Variants in CHCHD6 observed in about 807,000 individuals in gnomAD.
CHCHD6 encodes coiled-coil-helix-coiled-coil-helix domain containing 6.
CHCHD6 carries 28 observed loss-of-function variants against 32.3 expected under a neutral mutation model. The observed-to-expected ratio is 0.87, with a 90% CI of 0.64 to 1.19. The LOEUF (loss-of-function observed/expected upper bound fraction) is 1.19. Among genes scored for constraint, CHCHD6 ranks in the 50% most tolerant of loss-of-function variants. The pLI is 0.00. For synonymous variants in CHCHD6, 122 were observed against 117.5 expected, an observed-to-expected ratio of 1.04 and a Z score of -0.25; for missense variants, 333 against 307.0, an observed-to-expected ratio of 1.08 and a Z score of -0.63.
chr3:126,822,949 A>T (rs1187312743), intron 4 of CHCHD6, among the ~76,000 whole-genome samples: 1 of 151,924 alleles, frequency 6.6e-6, no homozygotes, highest in Non-Finnish European at 1.5e-5. Context: ...TCTGTCACCC[A>T]GGCTGGAGTG....
intron 4 of CHCHD6, among the ~76,000 whole-genome samples, chr3:126,740,057 GCTGTAGTGTTGCCTCAGCTTCAAA>G (rs1446467911): frequency 6.6e-6 from 1 of 152,194 alleles, no homozygotes; most frequent in Non-Finnish European, 1.5e-5. Flanking sequence ...TAGAATGTGG[GCTGTAGTGTTGCCTCAGCTTCAAA>G]CTATTAATAT....
intron 5 of CHCHD6, among the ~76,000 whole-genome samples, chr3:126,901,007 AC>A (rs564394949): frequency 4.0e-5 from 6 of 149,256 alleles, no homozygotes; most frequent in African/African-American, 1.2e-4. Flanking sequence ...TGATGCAAAC[AC>A]CCCCCCCAGG....
At chr3:126,956,600 C>CGAGAGAGA (rs58750065) in intron 6 of CHCHD6, among the ~76,000 whole-genome samples, 21 of 149,654 alleles carry the variant, frequency 1.4e-4, no homozygotes, top group African/African-American at 4.2e-4. Flanking sequence ...AGTGTGCGCA[C>CGAGAGAGA]GAGAGAGAGA....
intron 4 of CHCHD6, among the ~76,000 whole-genome samples, chr3:126,767,645 G>T (rs985923366): frequency 5.3e-5 from 8 of 152,058 alleles, no homozygotes; most frequent in African/African-American, 1.7e-4. Flanking sequence ...TTATTATATA[G>T]GTAAACTGCA....
At chr3:126,812,768 T>A (rs1018542589) in intron 4 of CHCHD6, among the ~76,000 whole-genome samples, 2 of 152,106 alleles carry the variant, frequency 1.3e-5, no homozygotes, top group Non-Finnish European at 2.9e-5. Context: ...ATGACAATGC[T>A]TTTTGTGGAA....
intron 1 of CHCHD6, 34 bp from the exon 2 acceptor site, chr3:126,727,044 A>G: frequency 6.7e-7 from 1 of 1,495,248 alleles, no homozygotes; most frequent in Non-Finnish European, 9.3e-7. Context: ...TCTGTGACAT[A>G]ACTTTTTCTT....
chr3:126,865,632 GC>G (rs1404733595), intron 5 of CHCHD6: 4 of 984,934 alleles, frequency 4.1e-6, no homozygotes, highest in East Asian at 1.1e-4. Flanking sequence ...GATTGCTGCT[GC>G]CCCCTCTCCC....
At position 126,932,559 on chromosome 3, in the gene CHCHD6, A is replaced by G. The variant is rs369642021; in HGVS notation, c.566+17809A>G. On this transcript the variant is annotated intron_variant, in intron 6 of 7. Transcript: ENST00000290913. ...GCTTCTTCCCAGAGTTAGGGCCCAG[A>G]GAACGTCATCCTGAGCCTTGAGTCC... Among the ~76,000 whole-genome samples the G allele has an allele frequency of 2.7e-4, 41 of 152,324 alleles. No homozygotes were observed. In the East Asian group the frequency reaches 4.1e-3, roughly 15 times the overall value.
chr3:126,756,272 A>G (rs1163093939), intron 4 of CHCHD6, among the ~76,000 whole-genome samples: 1 of 152,196 alleles, frequency 6.6e-6, no homozygotes. Flanking sequence ...ATTCTGTTAA[A>G]TACACCCACT....
At chr3:126,719,642 T>C (rs1042181742) in intron 1 of CHCHD6, among the ~76,000 whole-genome samples, 2 of 152,290 alleles carry the variant, frequency 1.3e-5, no homozygotes, top group African/African-American at 4.8e-5. Context: ...AGGGAGGACA[T>C]GGGAAACAGT....
At chr3:126,798,546 T>C (rs9842239) in intron 4 of CHCHD6, among the ~76,000 whole-genome samples, 30 of 152,318 alleles carry the variant, frequency 2.0e-4, no homozygotes, top group African/African-American at 6.7e-4. Flanking sequence ...CTAGTCATGA[T>C]GCGAGCATCC....
At chr3:126,744,722 C>T (rs1461840872) in intron 4 of CHCHD6, among the ~76,000 whole-genome samples, 1 of 152,088 alleles carries the variant, frequency 6.6e-6, no homozygotes, top group African/African-American at 2.4e-5. Context: ...GAGTCTCATT[C>T]TGACACCCAG....
intron 4 of CHCHD6, among the ~76,000 whole-genome samples, chr3:126,768,753 AAT>A (rs1937479202): frequency 6.6e-6 from 1 of 152,152 alleles, no homozygotes; most frequent in Non-Finnish European, 1.5e-5. Context: ...ACTTTTTAAT[AAT>A]ATTCTGACTG....
intron 6 of CHCHD6, chr3:126,953,130 T>A (rs2078738656): frequency 4.1e-5 from 40 of 985,296 alleles, no homozygotes; most frequent in Non-Finnish European, 4.8e-5. Flanking sequence ...TCCTCCCCCA[T>A]ACCTGATGCA....
intron 5 of CHCHD6, among the ~76,000 whole-genome samples, chr3:126,892,890 C>A (rs777300437): frequency 2.6e-5 from 4 of 152,170 alleles, no homozygotes; most frequent in Non-Finnish European, 5.9e-5. Flanking sequence ...TCAAATAGTT[C>A]TTATTTCCTG....
At chr3:126,841,587 T>C (rs1941083667) in intron 4 of CHCHD6, among the ~76,000 whole-genome samples, 1 of 152,146 alleles carries the variant, frequency 6.6e-6, no homozygotes, top group Non-Finnish European at 1.5e-5. Flanking sequence ...TCCATAAGCA[T>C]GATCTAGTGC....
At chr3:126,710,360 A>AT (rs1038581747) in intron 1 of CHCHD6, among the ~76,000 whole-genome samples, 1 of 152,112 alleles carries the variant, frequency 6.6e-6, no homozygotes, top group African/African-American at 2.4e-5. Flanking sequence ...TTCTTTCAAA[A>AT]TTGGGACGTG....
intron 6 of CHCHD6, among the ~76,000 whole-genome samples, chr3:126,915,118 T>C (rs2078150464): frequency 6.6e-6 from 1 of 152,230 alleles, no homozygotes; most frequent in African/African-American, 2.4e-5. Flanking sequence ...CTCTCCCCTC[T>C]GACTGTGGAG....
chr3:126,709,456 G>GT (rs1197468013), intron 1 of CHCHD6, among the ~76,000 whole-genome samples: 5 of 152,264 alleles, frequency 3.3e-5, no homozygotes, highest in Non-Finnish European at 7.4e-5. Flanking sequence ...TTTACAAGTT[G>GT]TTTTTTTGCA....
Sources: allele counts gnomAD v4.1 joint callset (sites outside exome capture counted in the v4.1 genomes callset), GRCh38; gene constraint gnomAD v4.1.1; transcripts MANE v1.5; gene names NCBI Gene and HGNC (gene_info 2026-07-23, HGNC 2026-07-21).